Variants in FUBP1 observed in about 807,000 individuals in gnomAD.
FUBP1 encodes the protein far upstream element-binding protein 1.
FUBP1 carries 16 observed loss-of-function variants against 94.9 expected under a neutral mutation model. That is an observed-to-expected ratio of 0.17 (90% CI 0.11 to 0.26). The LOEUF (loss-of-function observed/expected upper bound fraction) is 0.26, where lower values mean the gene tolerates loss of function less well. Ranked by LOEUF, FUBP1 falls within the 10% of genes least tolerant of loss-of-function variation. FUBP1 has a pLI of 1.00. For synonymous variants in FUBP1, 279 were observed against 254.9 expected (o/e 1.09, Z -0.90); for missense variants, 583 against 808.6 (o/e 0.72, Z 3.38).
Position 77,970,020 on chromosome 1 carries a change from A to G in FUBP1, c.121-5T>C, listed in dbSNP as rs764663454. ...ACCTCCAATTTTTGCTGCAATCTAA[A>G]AAAAAAAAAGAAAAATACCATCATA... is the stretch of plus-strand genomic sequence containing the variant. On this transcript the variant is annotated splice_polypyrimidine_tract_variant and splice_region_variant and intron_variant, in intron 1 of 19. Transcript: ENST00000370768. 3.4e-6 allele frequency: 5 copies of G among 1,486,426 alleles called. No homozygotes were observed. Among genetic ancestry groups the G allele is most frequent in the Non-Finnish European group, 4.6e-6 (5 of 1,080,968 alleles). The allele number at this position is 1,486,426 out of a possible 1,614,324, so 92.1% of individuals were successfully genotyped here. A position where few individuals can be genotyped will look rare whatever the true frequency, so the allele number is the denominator to read the frequency against.
intron 1 of FUBP1, among the ~76,000 whole-genome samples, chr1:77,974,294 G>A (rs1230183606): frequency 6.6e-6 from 1 of 151,778 alleles, no homozygotes; most frequent in Non-Finnish European, 1.5e-5. Flanking sequence ...CACTACTCCC[G>A]GCTAATTTTT....
intron 13 of FUBP1, 52 bp from the exon 14 acceptor site, chr1:77,962,982 G>A (rs752370716): frequency 7.7e-7 from 1 of 1,302,676 alleles, no homozygotes; most frequent in Non-Finnish European, 1.1e-6. Flanking sequence ...TGTACTAGGA[G>A]CTATTTAGAA....
rs2102377035 is a variant in FUBP1, at chr1:77,962,943, G to A, written c.1184-13C>T. Reference sequence around the variant, plus strand: ...ATGGTTTCACCTCCTAAAATCAAAAGACAGTAATTTCTCTAAAGGTTTCAA... The same window carrying A: ...ATGGTTTCACCTCCTAAAATCAAAAAACAGTAATTTCTCTAAAGGTTTCAA... On this transcript the variant is annotated splice_polypyrimidine_tract_variant and intron_variant, in intron 13 of 19. Coordinates refer to ENST00000370768, the MANE Select transcript of FUBP1 (RefSeq NM_003902.5). The A allele has an allele frequency of 6.2e-7, 1 of 1,603,350 alleles. No individual in the cohort carries two copies. The highest frequency in any genetic ancestry group is 1.1e-5 in the South Asian group (1 of 90,406).
chr1:77,944,850 A>G lies in FUBP1; in HGVS notation c.*3916T>C, dbSNP rs919931574. On this transcript the variant is annotated 3_prime_UTR_variant, in exon 20 of 20. Coordinates refer to ENST00000370768, the MANE Select transcript of FUBP1 (RefSeq NM_003902.5). ...AGTTTTAGTATTAAAACCATTTTTT[A>G]TATTAAAAAATAAAACTATACTTCT... Among the ~76,000 whole-genome samples the G allele has an allele frequency of 6.6e-6, 1 of 151,972 alleles. No individual in the cohort carries two copies. Among genetic ancestry groups the G allele is most frequent in the South Asian group, 2.1e-4 (1 of 4,832 alleles).
At chr1:77,978,263 C>A (rs1292229616) in intron 1 of FUBP1, among the ~76,000 whole-genome samples, 1 of 152,186 alleles carries the variant, frequency 6.6e-6, no homozygotes, top group Non-Finnish European at 1.5e-5. Flanking sequence ...AACTGAGAGG[C>A]AGATTCAAAT....
Position 77,948,345 on chromosome 1 carries a change from T to C in FUBP1, c.*421A>G. On this transcript the variant is annotated 3_prime_UTR_variant, in exon 20 of 20. Transcript: ENST00000370768. ...ATATTTGTGTATATGTATCTTAATT[T>C]ATCATTGCTAAGAAATTATGAATCC... 2 of 1,055,200 alleles carry C rather than the reference T, an allele frequency of 1.9e-6. No homozygotes were observed. Among genetic ancestry groups the C allele is most frequent in the Non-Finnish European group, 2.3e-6 (2 of 869,470 alleles). 65.4% of individuals were successfully genotyped at this position (1,055,200 alleles called of 1,614,324 possible). A position where few individuals can be genotyped will look rare whatever the true frequency, so the allele number is the denominator to read the frequency against.
chr1:77,949,040 TTATTA>T (rs1233067028), intron 19 of FUBP1, 110 bp downstream of exon 19: 6 of 1,040,246 alleles, frequency 5.8e-6, no homozygotes, highest in Non-Finnish European at 8.7e-6. Flanking sequence ...ATTTAAATAG[TTATTA>T]TACTTTGCCA....
intron 1 of FUBP1, among the ~76,000 whole-genome samples, chr1:77,971,452 T>C (rs569305918): frequency 6.6e-6 from 1 of 152,224 alleles, no homozygotes; most frequent in Non-Finnish European, 1.5e-5. Context: ...GCTGAAGTCA[T>C]AAATTCAACA....
At position 77,965,207 on chromosome 1, in the gene FUBP1, C is replaced by A. The variant is rs749119435; in HGVS notation, c.498G>T (p.Gln166His). Reference protein sequence around the residue: ...SVQSAKRLLDQIVEKGRPAPG... With the variant: ...SVQSAKRLLDHIVEKGRPAPG... ...GAGCTGGTCTTCCTTTTTCAACAAT[C>A]TGGTCCAGTAACCGTTTTGCTGACC... The change falls in exon 8 of 20, where the codon CAG (glutamine) becomes CAT (histidine). Residue 166 changes from glutamine to histidine, a missense_variant. By Grantham distance (24) the Gln-to-His change is conservative. Transcript: ENST00000370768. 2.5e-6 allele frequency: 4 copies of A among 1,608,004 alleles called. No individual in the cohort carries two copies. In the African/African-American group the frequency reaches 5.3e-5, roughly 21 times the overall value.
At position 77,947,477 on chromosome 1, in the gene FUBP1, C is replaced by A; in HGVS notation, c.*1289G>T. The A allele has an allele frequency of 6.6e-6, 8 of 1,219,856 alleles. No homozygotes were observed. The highest frequency in any genetic ancestry group is 8.8e-6 in the Non-Finnish European group (8 of 905,746). The allele number at this position is 1,219,856 out of a possible 1,614,324, so 75.6% of individuals were successfully genotyped here. A position where few individuals can be genotyped will look rare whatever the true frequency, so the allele number is the denominator to read the frequency against. ...CAGTGCAATGCTCCTTGAAGGAACA[C>A]AATCAAGGATGATACACAGCACAGT... On this transcript the variant is annotated 3_prime_UTR_variant, in exon 20 of 20. Coordinates refer to ENST00000370768, the MANE Select transcript of FUBP1 (RefSeq NM_003902.5).
rs776311577 is a variant in FUBP1 at position 77,964,987 on chromosome 1, TAATA to T, written c.637-23_637-20del. The T allele has an allele frequency of 2.6e-5, 41 of 1,596,224 alleles. No homozygotes were observed. Among genetic ancestry groups the T allele is most frequent in the Non-Finnish European group, 3.2e-5 (37 of 1,164,466 alleles). On this transcript the variant is annotated intron_variant, in intron 8 of 19. Transcript: ENST00000370768. ...CCCGTTCCTGTTACAATCATAGAAA[TAATA>T]TATATTAACAAAAGGAAGTGGACAA...
At chr1:77,969,141 A>C in intron 2 of FUBP1, 2 of 622,924 alleles carry the variant, frequency 3.2e-6, no homozygotes, top group Non-Finnish European at 5.1e-6. Flanking sequence ...TCATTAGCTC[A>C]TTTTTTTTCT....
At chr1:77,971,289 A>T (rs1466567723) in intron 1 of FUBP1, among the ~76,000 whole-genome samples, 1 of 152,170 alleles carries the variant, frequency 6.6e-6, no homozygotes, top group Non-Finnish European at 1.5e-5. Flanking sequence ...TAATTCTTTC[A>T]ATTTTGAGTA....
In FUBP1 at chr1:77,966,701, A is replaced by G; in HGVS notation, c.466T>C (p.Ser156Pro). ...RSCMLTGTPE[S>P]VQSAKRLLDQ... Reference sequence around the variant, plus strand: ...AAGATTTTTCAAACTTACTGGACAGATTCAGGTGTTCCAGTTAACATACAG... The same window carrying G: ...AAGATTTTTCAAACTTACTGGACAGGTTCAGGTGTTCCAGTTAACATACAG... Residue 156 changes from serine to proline, a missense_variant, in exon 7 of 20, where the codon TCT becomes CCT. Ser to Pro is a moderately conservative substitution (Grantham distance 74, BLOSUM62 -1). Coordinates refer to ENST00000370768, the MANE Select transcript of FUBP1 (RefSeq NM_003902.5). 1 of 1,517,156 alleles carries G rather than the reference A, an allele frequency of 6.6e-7. No homozygotes were observed. The highest frequency in any genetic ancestry group is 1.4e-5 in the African/African-American group (1 of 73,104). The allele number at this position is 1,517,156 out of a possible 1,614,324, so 94.0% of individuals were successfully genotyped here. A position where few individuals can be genotyped will look rare whatever the true frequency, so the allele number is the denominator to read the frequency against.
Position 77,947,386 on chromosome 1 carries a change from CATT to C in FUBP1, c.*1377_*1379del. The stretch of plus-strand genomic sequence containing the variant: ...ATATTCACACAACGTATGGCATTTG[CATT>C]ATGTGGAACATTGACAAAAAGATAC... On this transcript the variant is annotated 3_prime_UTR_variant, in exon 20 of 20. Coordinates refer to ENST00000370768, the MANE Select transcript of FUBP1 (RefSeq NM_003902.5). 3.9e-6 allele frequency: 2 copies of C among 513,940 alleles called. No individual in the cohort carries two copies. Among genetic ancestry groups the C allele is most frequent in the South Asian group, 3.2e-5 (2 of 62,358 alleles). 31.8% of individuals were successfully genotyped at this position (513,940 alleles called of 1,614,324 possible). A position where few individuals can be genotyped will look rare whatever the true frequency, so the allele number is the denominator to read the frequency against.
chr1:77,977,059 TA>T (rs1658737672), intron 1 of FUBP1, among the ~76,000 whole-genome samples: 2 of 152,236 alleles, frequency 1.3e-5, no homozygotes, highest in Non-Finnish European at 2.9e-5. Context: ...ACAAACTCTA[TA>T]AACACTTATA....
intron 18 of FUBP1, among the ~76,000 whole-genome samples, chr1:77,953,052 CT>C (rs1411506978): frequency 6.6e-6 from 1 of 151,930 alleles, no homozygotes; most frequent in Non-Finnish European, 1.5e-5. Context: ...AGGAGAATAG[CT>C]TGAACCCAGG....
chr1:77,950,365 G>A (rs1409790230), intron 18 of FUBP1, among the ~76,000 whole-genome samples: 2 of 152,088 alleles, frequency 1.3e-5, no homozygotes, highest in Non-Finnish European at 2.9e-5. Flanking sequence ...TTGCCATGTT[G>A]TCCAGGCTGG....
intron 14 of FUBP1, among the ~76,000 whole-genome samples, chr1:77,962,535 CTCT>C (rs1432025806): frequency 3.9e-5 from 6 of 152,192 alleles, no homozygotes; most frequent in African/African-American, 7.2e-5. Flanking sequence ...CACTACCCTC[CTCT>C]TATCTAGCCA....
Sources: gnomAD v4.1 joint callset for allele counts (sites outside exome capture counted in the v4.1 genomes callset) on GRCh38, gnomAD v4.1.1 for gene constraint, MANE v1.5 for transcripts, NCBI Gene and HGNC (gene_info 2026-07-23, HGNC 2026-07-21) for gene names.